ARHGAP15: variants seen among roughly 807,000 people sequenced by gnomAD.
ARHGAP15 encodes Rho GTPase activating protein 15.
In ARHGAP15, 51 loss-of-function variants were observed where a neutral mutation model predicts 63.7. The ratio of observed to expected loss-of-function variants is 0.80; its 90% CI spans 0.64 to 1.01. ARHGAP15 has a LOEUF of 1.01. Ranked by LOEUF, ARHGAP15 falls within the 50% of genes least tolerant of loss-of-function variation. ARHGAP15 has a pLI of 0.00. For synonymous variants in ARHGAP15, 191 were observed against 193.8 expected (o/e 0.99, Z 0.12); for missense variants, 560 against 564.6 (o/e 0.99, Z 0.08).
At chr2:143,150,133 A>G (rs1364728013) in intron 1 of ARHGAP15, among the ~76,000 whole-genome samples, 1 of 151,900 alleles carries the variant, frequency 6.6e-6, no homozygotes, top group African/African-American at 2.4e-5. Context: ...CCAAGCCTAC[A>G]TTTTCTCTAC....
chr2:143,289,580 G>A (rs751671294), intron 6 of ARHGAP15, among the ~76,000 whole-genome samples: 5 of 152,152 alleles, frequency 3.3e-5, no homozygotes, highest in Admixed American at 1.3e-4. Context: ...GCAGGGCACA[G>A]GCTGGAGAGA....
intron 13 of ARHGAP15, among the ~76,000 whole-genome samples, chr2:143,738,785 TAC>T (rs963622065): frequency 4.6e-5 from 7 of 152,188 alleles, no homozygotes; most frequent in Admixed American, 6.5e-5. Flanking sequence ...CACCAGCAAT[TAC>T]ACAGACTGAT....
chr2:143,280,317 G>A (rs1275329183), intron 6 of ARHGAP15, among the ~76,000 whole-genome samples: 3 of 152,102 alleles, frequency 2.0e-5, no homozygotes, highest in African/African-American at 7.2e-5. Flanking sequence ...AGCAAGAAAG[G>A]ATGTAGGGAG....
chr2:143,403,525 T>C (rs1688073332), intron 6 of ARHGAP15, among the ~76,000 whole-genome samples: 1 of 151,880 alleles, frequency 6.6e-6, no homozygotes, highest in Non-Finnish European at 1.5e-5. Flanking sequence ...TATGTATTAC[T>C]AGGGATCAAA....
At chr2:143,496,475 A>G (rs1692821215) in intron 9 of ARHGAP15, among the ~76,000 whole-genome samples, 1 of 152,178 alleles carries the variant, frequency 6.6e-6, no homozygotes, top group Non-Finnish European at 1.5e-5. Context: ...TCAAGAATTT[A>G]TTTTCTTATG....
At chr2:143,173,626 AC>A (rs112279348) in intron 2 of ARHGAP15, among the ~76,000 whole-genome samples, 50 of 152,178 alleles carry the variant, frequency 3.3e-4, no homozygotes, top group Non-Finnish European at 1.0e-4. Context: ...CTTAAAAAAA[AC>A]CTCTAATTTT....
intron 11 of ARHGAP15, among the ~76,000 whole-genome samples, chr2:143,594,702 G>A (rs1447525128): frequency 2.6e-5 from 4 of 152,154 alleles, no homozygotes; most frequent in African/African-American, 4.8e-5. Flanking sequence ...CCATGTCACA[G>A]CAGTTCTTAA....
chr2:143,683,832 A>G (rs1683208871), intron 12 of ARHGAP15, among the ~76,000 whole-genome samples: 1 of 152,168 alleles, frequency 6.6e-6, no homozygotes, highest in African/African-American at 2.4e-5. Context: ...GTTTTTCATT[A>G]ACTAAAAGCA....
intron 11 of ARHGAP15, among the ~76,000 whole-genome samples, chr2:143,622,597 T>C (rs1031383912): frequency 6.6e-6 from 1 of 151,764 alleles, no homozygotes; most frequent in Non-Finnish European, 1.5e-5. Flanking sequence ...AGAAAGAAGG[T>C]CTCCTCTGCT....
intron 6 of ARHGAP15, among the ~76,000 whole-genome samples, chr2:143,405,622 C>T (rs1475029728): frequency 6.6e-6 from 1 of 151,882 alleles, no homozygotes; most frequent in African/African-American, 2.4e-5. Flanking sequence ...AACTTTCTCA[C>T]TTGAAGATGT....
At chr2:143,467,729 A>AGAACAAGAT (rs1691301058) in intron 8 of ARHGAP15, among the ~76,000 whole-genome samples, 1 of 152,240 alleles carries the variant, frequency 6.6e-6, no homozygotes, top group South Asian at 2.1e-4. Flanking sequence ...TTTTAAAAGA[A>AGAACAAGAT]GAACAAGATT....
chr2:143,164,976 A>C (rs1164307761), intron 2 of ARHGAP15, among the ~76,000 whole-genome samples: 1 of 152,026 alleles, frequency 6.6e-6, no homozygotes, highest in African/African-American at 2.4e-5. Flanking sequence ...TAAGTATCAA[A>C]ATGTTTTAGA....
intron 3 of ARHGAP15, among the ~76,000 whole-genome samples, chr2:143,206,064 A>G (rs552149250): frequency 6.6e-6 from 1 of 152,220 alleles, no homozygotes; most frequent in Admixed American, 6.6e-5. Context: ...CATACCCTCA[A>G]GCCAGGAGTA....
intron 8 of ARHGAP15, among the ~76,000 whole-genome samples, chr2:143,485,277 T>G (rs1003232428): frequency 3.9e-5 from 6 of 152,070 alleles, no homozygotes; most frequent in Non-Finnish European, 5.9e-5. Flanking sequence ...GTGTGTGGTG[T>G]TGTCCTCCCT....
intron 13 of ARHGAP15, among the ~76,000 whole-genome samples, chr2:143,740,653 G>A (rs1685928117): frequency 6.6e-6 from 1 of 152,178 alleles, no homozygotes; most frequent in Non-Finnish European, 1.5e-5. Context: ...AGGTCTGTCA[G>A]TTGATGTAGT....
chr2:143,689,433 A>G (rs1683495116), intron 12 of ARHGAP15, among the ~76,000 whole-genome samples: 1 of 152,096 alleles, frequency 6.6e-6, no homozygotes, highest in Non-Finnish European at 1.5e-5. Context: ...TTTTATGAGC[A>G]TTGTTCTCTG....
intron 12 of ARHGAP15, among the ~76,000 whole-genome samples, chr2:143,635,652 T>C (rs1041621276): frequency 2.6e-5 from 4 of 152,134 alleles, no homozygotes; most frequent in African/African-American, 7.2e-5. Flanking sequence ...AACAGTGGAA[T>C]ATCCACACTG....
intron 8 of ARHGAP15, among the ~76,000 whole-genome samples, chr2:143,474,694 T>C (rs1180841622): frequency 6.6e-6 from 1 of 152,224 alleles, no homozygotes; most frequent in Non-Finnish European, 1.5e-5. Context: ...TTAAACAATT[T>C]GGGCGTCTTT....
chr2:143,413,968 C>CGCGCGCGCGCGT, intron 6 of ARHGAP15, among the ~76,000 whole-genome samples: 1 of 31,090 alleles, frequency 3.2e-5, no homozygotes, highest in East Asian at 5.3e-4. Flanking sequence ...TGTGTGTGTG[C>CGCGCGCGCGCGT]GCGCTCTCTG....
Sources: gnomAD v4.1 joint callset for allele counts (sites outside exome capture counted in the v4.1 genomes callset) on GRCh38, gnomAD v4.1.1 for gene constraint, MANE v1.5 for transcripts, NCBI Gene and HGNC (gene_info 2026-07-23, HGNC 2026-07-21) for gene names.